PTK2B: variants seen among roughly 807,000 people sequenced by gnomAD.
PTK2B encodes the protein protein-tyrosine kinase 2-beta.
A neutral mutation model predicts 142.9 loss-of-function variants in PTK2B; 71 were observed. That is an observed-to-expected ratio of 0.50 (90% CI 0.41 to 0.61). The LOEUF (loss-of-function observed/expected upper bound fraction) is 0.61. Among genes scored for constraint, PTK2B ranks in the 20% least tolerant of loss-of-function variants. The probability of loss-of-function intolerance (pLI) is 0.00; values close to 1 mark genes in which losing one functional copy is unlikely to be tolerated. For synonymous variants in PTK2B, 519 were observed against 503.4 expected (o/e 1.03, Z -0.42); for missense variants, 1,105 against 1,320.4 (o/e 0.84, Z 2.53).
chr8:27,348,524 G>A (rs1348177971), intron 1 of PTK2B, among the ~76,000 whole-genome samples: 2 of 152,154 alleles, frequency 1.3e-5, no homozygotes, highest in African/African-American at 2.4e-5. Context: ...CAACCGGTAA[G>A]GGAAGTGCGA....
In PTK2B at chr8:27,450,831, T is replaced by C. The variant is rs55747955; in HGVS notation, c.2423T>C (p.Leu808Pro). Residue 808 changes from leucine to proline, a missense_variant, in exon 25 of 31, where the codon CTG becomes CCG. Physicochemically the swap from Leu to Pro is moderately conservative, Grantham distance 98. Coordinates refer to ENST00000346049, the MANE Select transcript of PTK2B (RefSeq NM_173176.3). Reference protein sequence around the residue: ...EAEKVKMRQILDKQQKQMVED... With the variant: ...EAEKVKMRQIPDKQQKQMVED... ...GAAAAGGTCAAAATGCGGCAAATCC[T>C]GGACAAACAGCAGAAGCAGATGGTG... 5.6e-6 allele frequency: 9 copies of C among 1,614,058 alleles called. No homozygotes were observed. Among genetic ancestry groups the C allele is most frequent in the Non-Finnish European group, 7.6e-6 (9 of 1,180,036 alleles).
Position 27,430,385 on chromosome 8 carries a change from G to GT in PTK2B, c.641dup (p.Gln217AlafsTer52). The GT allele has an allele frequency of 6.2e-7, 1 of 1,614,154 alleles. No individual in the cohort carries two copies. Among genetic ancestry groups the GT allele is most frequent in the Non-Finnish European group, 8.5e-7 (1 of 1,180,032 alleles). ...GCAGAAAGGAAGTGGGGCTGGACTTGTTTTTCCCAAAGCAGATGCAGGAGA... is the reference window on the plus strand; with the variant it reads ...GCAGAAAGGAAGTGGGGCTGGACTTGTTTTTTCCCAAAGCAGATGCAGGAGA... On this transcript the variant is annotated frameshift_variant, in exon 7 of 31. Coordinates refer to ENST00000346049, the MANE Select transcript of PTK2B (RefSeq NM_173176.3). LOFTEE classifies it high-confidence loss of function.
At chr8:27,437,070 TCTG>T in intron 15 of PTK2B, 49 bp from the exon 16 acceptor site, 1 of 1,559,226 alleles carries the variant, frequency 6.4e-7, no homozygotes, top group Non-Finnish European at 8.8e-7. Context: ...GAGGGAACAT[TCTG>T]CTGAGCACTG....
chr8:27,408,746 T>C (rs1282944272), intron 2 of PTK2B, among the ~76,000 whole-genome samples: 1 of 152,254 alleles, frequency 6.6e-6, no homozygotes, highest in African/African-American at 2.4e-5. Context: ...AACAACTGTC[T>C]GTGTCTGTCT....
intron 1 of PTK2B, among the ~76,000 whole-genome samples, chr8:27,360,825 T>C (rs1056187741): frequency 2.6e-5 from 4 of 152,186 alleles, no homozygotes; most frequent in African/African-American, 9.7e-5. Flanking sequence ...CCTCTGGGTC[T>C]AGATGTGGGG....
chr8:27,397,855 G>A, intron 2 of PTK2B, 67 bp downstream of exon 2: 1 of 552,480 alleles, frequency 1.8e-6, no homozygotes, highest in South Asian at 2.6e-5. Flanking sequence ...CAGCTGAGCA[G>A]CTCTCCTGCA....
intron 1 of PTK2B, among the ~76,000 whole-genome samples, chr8:27,388,592 T>C (rs1232974818): frequency 2.0e-5 from 3 of 152,248 alleles, no homozygotes; most frequent in Non-Finnish European, 4.4e-5. Flanking sequence ...TTGCCCAGTC[T>C]GTCGCTGTTC....
intron 1 of PTK2B, chr8:27,326,987 G>A (rs976356006): frequency 2.0e-5 from 3 of 152,314 alleles, no homozygotes; most frequent in African/African-American, 7.2e-5. Flanking sequence ...CCCTGCACTA[G>A]AGGGCTGTGG....
At chr8:27,430,316 G>T (rs751871646) in intron 6 of PTK2B, 48 bp from the exon 7 acceptor site, 1 of 1,612,364 alleles carries the variant, frequency 6.2e-7, no homozygotes, top group Non-Finnish European at 8.5e-7. Context: ...CAGTCCTGTG[G>T]TGGGGGTGAG....
At position 27,453,294 on chromosome 8, in the gene PTK2B, G is replaced by T. The variant is rs917212329; in HGVS notation, c.2595+134G>T. 3.2e-6 allele frequency: 4 copies of T among 1,237,094 alleles called. No individual in the cohort carries two copies. In the African/African-American group the frequency reaches 6.0e-5, roughly 18 times the overall value. The allele number at this position is 1,237,094 out of a possible 1,614,324, so 76.6% of individuals were successfully genotyped here. A position where few individuals can be genotyped will look rare whatever the true frequency, so the allele number is the denominator to read the frequency against. ...TCCTCATGATACAGATGAAGCCCGG[G>T]GTTAGGGGGCGGGTGGCGGGGTGCC... On this transcript the variant is annotated intron_variant, in intron 28 of 30. Coordinates refer to ENST00000346049, the MANE Select transcript of PTK2B (RefSeq NM_173176.3).
chr8:27,337,645 A>G (rs928506150), intron 1 of PTK2B, among the ~76,000 whole-genome samples: 2 of 152,212 alleles, frequency 1.3e-5, no homozygotes, highest in South Asian at 2.1e-4. Flanking sequence ...TTCACTTAGC[A>G]CAATGTTTTG....
At chr8:27,439,226 T>G in intron 19 of PTK2B, 83 bp from the exon 20 acceptor site, 1 of 1,564,836 alleles carries the variant, frequency 6.4e-7, no homozygotes, top group East Asian at 2.2e-5. Flanking sequence ...CAGCCCAGGC[T>G]AAGGGTCTTC....
intron 1 of PTK2B, among the ~76,000 whole-genome samples, chr8:27,351,635 C>A (rs1805099333): frequency 1.3e-5 from 2 of 152,118 alleles, no homozygotes; most frequent in African/African-American, 4.8e-5. Context: ...TGTACTAATG[C>A]CTCCAACTAG....
chr8:27,452,946 C>T (rs1386224225), intron 27 of PTK2B, 168 bp from the exon 28 acceptor site: 7 of 738,516 alleles, frequency 9.5e-6, no homozygotes, highest in Non-Finnish European at 1.6e-5. Flanking sequence ...ACTGCAAAAC[C>T]AGGGAGACCA....
At chr8:27,381,172 A>G (rs1187058170) in intron 1 of PTK2B, among the ~76,000 whole-genome samples, 2 of 152,208 alleles carry the variant, frequency 1.3e-5, no homozygotes, top group African/African-American at 2.4e-5. Flanking sequence ...CATGGAAAGC[A>G]TTTATCATTT....
chr8:27,419,900 C>T lies in PTK2B; in HGVS notation c.210C>T (p.Ile70=). Residue 70 remains isoleucine (I), a synonymous_variant, in exon 3 of 31, where the codon ATC becomes ATT. Transcript: ENST00000346049. ...KCTVQTEIRE[I]ITSILLSGRI... The stretch of plus-strand genomic sequence containing the variant: ...CTCTCTCTTCTCCTCTGCAGGAGAT[C>T]ATCACCTCCATCCTGCTGAGCGGGC... The T allele has an allele frequency of 1.9e-6, 3 of 1,614,096 alleles. No individual in the cohort carries two copies. The highest frequency in any genetic ancestry group is 2.5e-6 in the Non-Finnish European group (3 of 1,180,004).
At chr8:27,376,254 A>T (rs1266438677) in intron 1 of PTK2B, among the ~76,000 whole-genome samples, 2 of 152,054 alleles carry the variant, frequency 1.3e-5, no homozygotes, top group Admixed American at 6.5e-5. Flanking sequence ...GGCTGCCCCC[A>T]CCCCAACTAG....
At position 27,359,137 on chromosome 8, in the gene PTK2B, A is replaced by G. The variant is rs1322583005; in HGVS notation, c.-38+33456A>G. On this transcript the variant is annotated intron_variant, in intron 1 of 30. Transcript: ENST00000346049. ...GCAAATATATATATTTTTGAAACATACATAGTCTTGCTCTGTCACCCAGGC... is the reference window on the plus strand; with the variant it reads ...GCAAATATATATATTTTTGAAACATGCATAGTCTTGCTCTGTCACCCAGGC... Among the ~76,000 whole-genome samples, 4 of 152,144 alleles carry G rather than the reference A, an allele frequency of 2.6e-5. No homozygotes were observed. In the South Asian group the frequency reaches 6.2e-4, roughly 24 times the overall value.
At chr8:27,431,604 G>A in intron 9 of PTK2B, 132 bp downstream of exon 9, 2 of 1,195,308 alleles carry the variant, frequency 1.7e-6, no homozygotes, top group South Asian at 2.9e-5. Context: ...CTAAGGCCAT[G>A]CCCTGGCGTG....
Sources: gnomAD v4.1 joint callset for allele counts (sites outside exome capture counted in the v4.1 genomes callset) on GRCh38, gnomAD v4.1.1 for gene constraint, MANE v1.5 for transcripts, NCBI Gene and HGNC (gene_info 2026-07-23, HGNC 2026-07-21) for gene names.